EEA1: variants seen among roughly 807,000 people sequenced by gnomAD.
EEA1 encodes early endosome antigen 1.
A neutral mutation model predicts 209.2 loss-of-function variants in EEA1; 111 were observed. The observed-to-expected ratio is 0.53, with a 90% confidence interval of 0.45 to 0.62. The LOEUF (loss-of-function observed/expected upper bound fraction) is 0.62, where lower values mean the gene tolerates loss of function less well. EEA1 is among the 20% of genes least tolerant of loss of function. The probability of loss-of-function intolerance (pLI) is 0.00; values close to 1 mark genes in which losing one functional copy is unlikely to be tolerated. For missense variants in EEA1, 1,343 were observed against 1,530.8 expected, an observed-to-expected ratio of 0.88 and a Z score of 2.05; for synonymous variants, 536 against 540.6, an observed-to-expected ratio of 0.99 and a Z score of 0.12.
At chr12:92,869,855 G>A (rs1354749056) in intron 2 of EEA1, among the ~76,000 whole-genome samples, 1 of 136,652 alleles carries the variant, frequency 7.3e-6, no homozygotes, top group Non-Finnish European at 1.5e-5. Context: ...AGTCCATCAA[G>A]AAGAAAAGTT....
chr12:92,848,722 CTTTTTTT>C (rs71069184), intron 9 of EEA1, among the ~76,000 whole-genome samples: 3 of 64,548 alleles, frequency 4.6e-5, no homozygotes, highest in African/African-American at 1.2e-4. Context: ...ATATTCTCAC[CTTTTTTT>C]TTTTTTTTTT....
At chr12:92,798,668 A>G (rs1242984389) in intron 21 of EEA1, among the ~76,000 whole-genome samples, 1 of 152,186 alleles carries the variant, frequency 6.6e-6, no homozygotes, top group Non-Finnish European at 1.5e-5. Flanking sequence ...GATTAGTACA[A>G]TAATTTTAAA....
intron 1 of EEA1, among the ~76,000 whole-genome samples, chr12:92,908,921 T>G (rs975286780): frequency 3.3e-5 from 5 of 152,118 alleles, no homozygotes; most frequent in Non-Finnish European, 5.9e-5. Flanking sequence ...CCTCCCAAGT[T>G]CTAGCAATTC....
chr12:92,852,785 T>C, intron 7 of EEA1, 127 bp downstream of exon 7: 1 of 576,564 alleles, frequency 1.7e-6, no homozygotes, highest in Non-Finnish European at 2.9e-6. Flanking sequence ...TAAATTCCAT[T>C]AATCACCATT....
chr12:92,874,827 A>G (rs749526578), intron 2 of EEA1, among the ~76,000 whole-genome samples: 1 of 152,250 alleles, frequency 6.6e-6, no homozygotes, highest in Non-Finnish European at 1.5e-5. Flanking sequence ...TGTATATCAC[A>G]AAATAGCTAA....
At chr12:92,887,671 C>A (rs1036617361) in intron 2 of EEA1, among the ~76,000 whole-genome samples, 1 of 151,832 alleles carries the variant, frequency 6.6e-6, no homozygotes, top group African/African-American at 2.4e-5. Context: ...AAAAAAAATA[C>A]CTATGATAGA....
At position 92,797,006 on chromosome 12, in the gene EEA1, A is replaced by T. The variant is rs955717142; in HGVS notation, c.2967+1886T>A. ...ATCTGCCTGGCTTGAACATCTCTAG[A>T]TTACTTACAATACCTAATACAATGT... On this transcript the variant is annotated intron_variant, in intron 21 of 28. Coordinates refer to ENST00000322349, the MANE Select transcript of EEA1 (RefSeq NM_003566.4). Among the ~76,000 whole-genome samples the T allele has an allele frequency of 5.3e-5, 8 of 152,314 alleles. No homozygotes were observed. In the East Asian group the frequency reaches 1.5e-3, roughly 29 times the overall value.
chr12:92,842,572 T>G lies in EEA1; in HGVS notation c.808A>C (p.Ser270Arg). 6.3e-7 allele frequency: 1 copy of G among 1,588,908 alleles called. No individual in the cohort carries two copies. Among genetic ancestry groups the G allele is most frequent in the Non-Finnish European group, 8.6e-7 (1 of 1,165,034 alleles). The change falls in exon 10 of 29, where the codon AGC becomes CGC. Residue 270 changes from serine to arginine, a missense_variant. This residue lies in a region of EEA1 where 1,307 missense variants were observed against 1,465.5 expected (regional missense o/e 0.89). Transcript: ENST00000322349. ...TTGGCAAGTTCACTCCTTAGCTGGC[T>G]TATTGTGGCCTAACAAAACAAAACA... is the stretch of plus-strand genomic sequence containing the variant. ...SQYASSEATISQLRSELAKGP... is the reference protein window; with the variant it reads ...SQYASSEATIRQLRSELAKGP...
chr12:92,850,428 G>A (rs1176434408), intron 9 of EEA1, among the ~76,000 whole-genome samples: 2 of 152,030 alleles, frequency 1.3e-5, no homozygotes, highest in Non-Finnish European at 2.9e-5. Context: ...AGTGGCTCAC[G>A]CCTGTAATCC....
At chr12:92,787,829 C>T in intron 22 of EEA1, 38 bp downstream of exon 22, 1 of 1,400,970 alleles carries the variant, frequency 7.1e-7, no homozygotes. Context: ...GTCTATAAAA[C>T]TTACTGAGAC....
At chr12:92,923,007 G>A (rs1039985926) in intron 1 of EEA1, among the ~76,000 whole-genome samples, 16 of 143,266 alleles carry the variant, frequency 1.1e-4, no homozygotes, top group African/African-American at 4.5e-4. Flanking sequence ...AGATTACCTG[G>A]GAGAAATATT....
chr12:92,832,055 C>T (rs918544323), intron 11 of EEA1, among the ~76,000 whole-genome samples: 1 of 150,212 alleles, frequency 6.7e-6, no homozygotes, highest in African/African-American at 2.5e-5. Flanking sequence ...CCACTGCAGT[C>T]CGCAGTCCGG....
At chr12:92,888,450 G>A (rs1246565339) in intron 2 of EEA1, among the ~76,000 whole-genome samples, 3 of 151,966 alleles carry the variant, frequency 2.0e-5, no homozygotes. Flanking sequence ...GGTGGCGGGT[G>A]CCTGTAGTCC....
intron 18 of EEA1, among the ~76,000 whole-genome samples, chr12:92,804,577 A>G (rs929215829): frequency 6.6e-6 from 1 of 150,654 alleles, no homozygotes. Flanking sequence ...GTCTCAAAAA[A>G]AAAAAAAAAA....
At chr12:92,857,516 G>C (rs1204877546) in intron 3 of EEA1, 31 bp from the exon 4 acceptor site, 2 of 1,448,518 alleles carry the variant, frequency 1.4e-6, no homozygotes, top group East Asian at 4.7e-5. Flanking sequence ...GGAATTAATA[G>C]TCAATGTCCT....
At chr12:92,811,482 T>C in intron 16 of EEA1, 48 bp from the exon 17 acceptor site, 1 of 1,266,008 alleles carries the variant, frequency 7.9e-7, no homozygotes, top group Admixed American at 2.9e-5. Context: ...TTTACTATAT[T>C]GTAGTGGCCA....
chr12:92,793,331 A>T (rs1592705074), intron 21 of EEA1, among the ~76,000 whole-genome samples: 1 of 152,202 alleles, frequency 6.6e-6, no homozygotes, highest in Non-Finnish European at 1.5e-5. Context: ...GGAAAACAGG[A>T]AGTCAAATTG....
In EEA1 at chr12:92,801,604, T is replaced by C; in HGVS notation, c.2768A>G (p.Lys923Arg). The C allele has an allele frequency of 1.3e-6, 2 of 1,581,940 alleles. No individual in the cohort carries two copies. The highest frequency in any genetic ancestry group is 1.7e-4 in the Middle Eastern group (1 of 5,966). ...KELKKSLEKE[K>R]EASHQLKLEL... ...GTTACAAAAAAAAAATCTTACCTCC[T>C]TCTCTTTTTCAAGTGACTTTTTCAG... is the stretch of plus-strand genomic sequence containing the variant. The change falls in exon 20 of 29, where the codon AAG becomes AGG. Residue 923 changes from lysine (K) to arginine (R), a missense_variant. Lys to Arg is a conservative substitution (Grantham distance 26, BLOSUM62 2). This residue lies in a region of EEA1 where 1,307 missense variants were observed against 1,465.5 expected (regional missense o/e 0.89). Coordinates refer to ENST00000322349, the MANE Select transcript of EEA1 (RefSeq NM_003566.4).
At chr12:92,924,486 GGCATGAGCCACCGC>G (rs1881134031) in intron 1 of EEA1, among the ~76,000 whole-genome samples, 1 of 152,044 alleles carries the variant, frequency 6.6e-6, no homozygotes. Flanking sequence ...TGGGATTACA[GGCATGAGCCACCGC>G]GCCTGGCTGA....
Sources: allele counts gnomAD v4.1 joint callset (sites outside exome capture counted in the v4.1 genomes callset), GRCh38; gene constraint gnomAD v4.1.1; regional missense constraint gnomAD v4.1.1; transcripts MANE v1.5; gene names NCBI Gene and HGNC (gene_info 2026-07-23, HGNC 2026-07-21).